Variants in STMN4 observed in about 807,000 individuals in gnomAD.
STMN4 encodes the protein stathmin-4.
In STMN4, 12 loss-of-function variants were observed where a neutral mutation model predicts 29.1. The ratio of observed to expected loss-of-function variants is 0.41; its 90% CI spans 0.26 to 0.67. STMN4 has a LOEUF of 0.67. Among genes scored for constraint, STMN4 ranks in the 30% least tolerant of loss-of-function variants. The probability of loss-of-function intolerance (pLI) is 0.30; values close to 1 mark genes in which losing one functional copy is unlikely to be tolerated. For synonymous variants in STMN4, 114 were observed against 105.3 expected (o/e 1.08, Z -0.51); for missense variants, 181 against 262.8 (o/e 0.69, Z 2.15).
chr8:27,243,680 A>T (rs1801542273), intron 2 of STMN4, 31 bp downstream of exon 2: 3 of 1,606,946 alleles, frequency 1.9e-6, no homozygotes, highest in South Asian at 2.2e-5. Flanking sequence ...GGAATAGCCT[A>T]CGCCCCTTAA....
chr8:27,240,424 C>T (rs77392720), intron 5 of STMN4, among the ~76,000 whole-genome samples: 6,863 of 152,174 alleles, frequency 0.045, 217 homozygotes, highest in Non-Finnish European at 0.068. Flanking sequence ...TTCATTCATT[C>T]ACAAACACTA....
chr8:27,255,051 A>T (rs570784927), intron 1 of STMN4, among the ~76,000 whole-genome samples: 1 of 151,734 alleles, frequency 6.6e-6, no homozygotes, highest in Non-Finnish European at 1.5e-5. Flanking sequence ...GGGACTAGAG[A>T]TGTAAAACTC....
At chr8:27,253,390 A>G (rs576566158) in intron 1 of STMN4, among the ~76,000 whole-genome samples, 9 of 152,184 alleles carry the variant, frequency 5.9e-5, no homozygotes, top group Non-Finnish European at 1.2e-4. Context: ...TAATGATTTT[A>G]TTTGTGTGAG....
chr8:27,243,435 TA>T (rs144402939), intron 2 of STMN4, among the ~76,000 whole-genome samples: 7 of 150,934 alleles, frequency 4.6e-5, no homozygotes, highest in African/African-American at 7.3e-5. Flanking sequence ...CATAAAAACT[TA>T]AAAAAAAACA....
chr8:27,249,682 GGA>G (rs1352803058), intron 1 of STMN4, among the ~76,000 whole-genome samples: 1 of 152,146 alleles, frequency 6.6e-6, no homozygotes, highest in African/African-American at 2.4e-5. Context: ...TACACAGAAG[GGA>G]GACCCCAGCA....
At position 27,242,496 on chromosome 8, in the gene STMN4, C is replaced by A. The variant is rs756629458; in HGVS notation, c.14-4G>T. On this transcript the variant is annotated splice_polypyrimidine_tract_variant and splice_region_variant and intron_variant, in intron 2 of 6. Transcript: ENST00000350889. ...TCCTTCATCTTCTCTTTGTAGGCTGCGGAAACACCCAGTCAGGTGAGGATG... is the reference window on the plus strand; with the variant it reads ...TCCTTCATCTTCTCTTTGTAGGCTGAGGAAACACCCAGTCAGGTGAGGATG... 2 of 1,613,816 alleles carry A rather than the reference C, an allele frequency of 1.2e-6. No individual in the cohort carries two copies. Among genetic ancestry groups the A allele is most frequent in the African/African-American group, 1.3e-5 (1 of 74,912 alleles).
At chr8:27,238,652 G>A (rs953513629) in intron 6 of STMN4, among the ~76,000 whole-genome samples, 1 of 152,194 alleles carries the variant, frequency 6.6e-6, no homozygotes, top group African/African-American at 2.4e-5. Flanking sequence ...TCACAGGCTG[G>A]TCTCCCTGAA....
At chr8:27,242,605 A>G (rs1801508704) in intron 2 of STMN4, 113 bp from the exon 3 acceptor site, 3 of 919,934 alleles carry the variant, frequency 3.3e-6, no homozygotes, top group Non-Finnish European at 5.1e-6. Flanking sequence ...CACTCAAACC[A>G]CGCAGGCACA....
chr8:27,251,286 G>T (rs978586279), intron 1 of STMN4, among the ~76,000 whole-genome samples: 1 of 139,624 alleles, frequency 7.2e-6, no homozygotes, highest in African/African-American at 2.6e-5. Flanking sequence ...ACGTATATAC[G>T]TATATATATA....
intron 3 of STMN4, 51 bp downstream of exon 3, chr8:27,242,346 A>G: frequency 6.4e-7 from 1 of 1,574,630 alleles, no homozygotes; most frequent in East Asian, 2.2e-5. Flanking sequence ...CTATGAGGAC[A>G]GGACACAGGG....
intron 1 of STMN4, among the ~76,000 whole-genome samples, chr8:27,246,481 A>T (rs1474354907): frequency 2.6e-5 from 4 of 152,230 alleles, no homozygotes; most frequent in African/African-American, 9.6e-5. Context: ...TTTCAAGGCC[A>T]TTCAGTACAG....
chr8:27,254,171 T>C (rs965187306), intron 1 of STMN4, among the ~76,000 whole-genome samples: 11 of 152,130 alleles, frequency 7.2e-5, no homozygotes, highest in Admixed American at 7.2e-4. Flanking sequence ...AGTTGAATTG[T>C]GTTTGTGTGT....
chr8:27,242,961 C>A (rs966637962), intron 2 of STMN4, among the ~76,000 whole-genome samples: 2 of 152,200 alleles, frequency 1.3e-5, no homozygotes, highest in Admixed American at 6.5e-5. Context: ...TCCTCACCAC[C>A]ATCCCTCTGG....
At chr8:27,241,554 T>C in intron 4 of STMN4, 123 bp downstream of exon 4, 1 of 1,240,998 alleles carries the variant, frequency 8.1e-7, no homozygotes, top group Non-Finnish European at 1.2e-6. Context: ...CTCCTCTGAC[T>C]GCTGAGCTGC....
intron 1 of STMN4, among the ~76,000 whole-genome samples, chr8:27,256,068 G>A (rs1243230518): frequency 6.6e-6 from 1 of 152,168 alleles, no homozygotes; most frequent in African/African-American, 2.4e-5. Context: ...CAACATGGAT[G>A]AGCCTTGAGG....
At chr8:27,252,139 C>T (rs1801808149) in intron 1 of STMN4, among the ~76,000 whole-genome samples, 1 of 147,834 alleles carries the variant, frequency 6.8e-6, no homozygotes, top group African/African-American at 2.4e-5. Context: ...AGGACACGAA[C>T]TCATCATTTT....
Position 27,236,777 on chromosome 8 carries a change from G to A in STMN4, c.*69C>T, listed in dbSNP as rs534901741. The A allele has an allele frequency of 8.5e-6, 12 of 1,419,510 alleles. No homozygotes were observed. Among genetic ancestry groups the A allele is most frequent in the Admixed American group, 2.7e-5 (1 of 37,252 alleles). 87.9% of individuals were successfully genotyped at this position (1,419,510 alleles called of 1,614,324 possible). Reference sequence around the variant, plus strand: ...AGTGCTGGGAGCGCAGCCGGCGGGCGAGGCTGCCTGGAACGTGGAGCTGCT... The same window carrying A: ...AGTGCTGGGAGCGCAGCCGGCGGGCAAGGCTGCCTGGAACGTGGAGCTGCT... On this transcript the variant is annotated 3_prime_UTR_variant, in exon 7 of 7. Coordinates refer to ENST00000350889, the MANE Select transcript of STMN4 (RefSeq NM_030795.4).
In STMN4 at chr8:27,236,812, CG is replaced by C. The variant is rs1801322458; in HGVS notation, c.*33del. Reference sequence around the variant, plus strand: ...GGAACGTGGAGCTGCTGGAGCTGTCCGGCTGACCTGGAAAGTTCTTTGGCCT... The same window carrying C: ...GGAACGTGGAGCTGCTGGAGCTGTCCGCTGACCTGGAAAGTTCTTTGGCCT... On this transcript the variant is annotated 3_prime_UTR_variant, in exon 7 of 7. Coordinates refer to ENST00000350889, the MANE Select transcript of STMN4 (RefSeq NM_030795.4). 1.3e-6 allele frequency: 2 copies of C among 1,569,746 alleles called. No individual in the cohort carries two copies. The highest frequency in any genetic ancestry group is 1.7e-6 in the Non-Finnish European group (2 of 1,160,174).
rs151218649 is a variant in STMN4, at chr8:27,246,047, C to T, written c.-78-2246G>A. Among the ~76,000 whole-genome samples the T allele has an allele frequency of 1.6e-3, 250 of 152,248 alleles. 1 individual carries two copies. Among genetic ancestry groups the T allele is most frequent in the East Asian group, 8.9e-3 (46 of 5,180 alleles). ...AGCTGGGTCTAGTCTCCAGGTCTCT[C>T]GACTTGTAAGCTCTTCCATTGTAAC... On this transcript the variant is annotated intron_variant, in intron 1 of 6. Transcript: ENST00000350889.
Sources: allele counts gnomAD v4.1 joint callset (sites outside exome capture counted in the v4.1 genomes callset), GRCh38; gene constraint gnomAD v4.1.1; transcripts MANE v1.5; gene names NCBI Gene and HGNC (gene_info 2026-07-23, HGNC 2026-07-21).